The following DGLUCY variants were observed in gnomAD, a reference collection of about 807,000 sequenced individuals.
DGLUCY encodes the protein D-glutamate cyclase.
A neutral mutation model predicts 58.5 loss-of-function variants in DGLUCY; 58 were observed. The observed-to-expected ratio is 0.99, with a 90% confidence interval of 0.80 to 1.23. DGLUCY has a LOEUF of 1.23. Among genes scored for constraint, DGLUCY ranks in the 50% most tolerant of loss-of-function variants. The pLI, the probability that DGLUCY is intolerant of heterozygous loss-of-function variation, is 0.00. For missense variants in DGLUCY, 779 were observed against 784.7 expected, an observed-to-expected ratio of 0.99 and a Z score of 0.09; for synonymous variants, 325 against 314.1, an observed-to-expected ratio of 1.03 and a Z score of -0.37.
chr14:91,075,937 AC>A (rs1238526127), intron 1 of DGLUCY, among the ~76,000 whole-genome samples: 3 of 152,124 alleles, frequency 2.0e-5, no homozygotes, highest in Admixed American at 2.0e-4. Context: ...ACATGGTGAA[AC>A]CCCATCTCTA....
intron 1 of DGLUCY, among the ~76,000 whole-genome samples, chr14:91,150,551 C>T (rs2047267265): frequency 6.6e-6 from 1 of 152,116 alleles, no homozygotes; most frequent in African/African-American, 2.4e-5. Flanking sequence ...AAGCAATCCT[C>T]CTGCCTCAGC....
chr14:91,200,584 A>T (rs542530826), intron 11 of DGLUCY, among the ~76,000 whole-genome samples: 7 of 150,138 alleles, frequency 4.7e-5, no homozygotes, highest in African/African-American at 1.7e-4. Context: ...TAATATTTCA[A>T]TTTTTTTTTT....
chr14:91,149,450 G>A (rs2047193702), intron 1 of DGLUCY, among the ~76,000 whole-genome samples: 1 of 152,190 alleles, frequency 6.6e-6, no homozygotes, highest in Non-Finnish European at 1.5e-5. Flanking sequence ...TGGTGACCCT[G>A]AAGTAGGCTT....
At position 91,115,698 on chromosome 14, in the gene DGLUCY, C is replaced by T. The variant is rs570813895; in HGVS notation, c.-82+1415C>T. Reference sequence around the variant, plus strand: ...GTGCTGGGATTATAGGCGTGAGCCACCACACCTAGCCAGGAAGCATCTTAA... The same window carrying T: ...GTGCTGGGATTATAGGCGTGAGCCATCACACCTAGCCAGGAAGCATCTTAA... On this transcript the variant is annotated intron_variant, in intron 1 of 13. Coordinates refer to ENST00000256324, the MANE Select transcript of DGLUCY (RefSeq NM_001102368.3). Among the ~76,000 whole-genome samples, 7 of 152,306 alleles carry T rather than the reference C, an allele frequency of 4.6e-5. No individual in the cohort carries two copies. The South Asian group carries it at 1.5e-3, about 32-fold the overall frequency.
intron 1 of DGLUCY, among the ~76,000 whole-genome samples, chr14:91,119,639 G>A (rs2045232297): frequency 6.6e-6 from 1 of 152,150 alleles, no homozygotes; most frequent in African/African-American, 2.4e-5. Context: ...TCGGTGTGAT[G>A]GCTTAATGTT....
At chr14:91,081,470 T>G (rs979013234) in intron 1 of DGLUCY, among the ~76,000 whole-genome samples, 4 of 152,208 alleles carry the variant, frequency 2.6e-5, no homozygotes, top group Admixed American at 2.6e-4. Flanking sequence ...TTAGCAGGTA[T>G]ATTAGTTTCC....
chr14:91,077,581 G>A (rs551990603), intron 1 of DGLUCY, among the ~76,000 whole-genome samples: 8 of 151,728 alleles, frequency 5.3e-5, no homozygotes, highest in Non-Finnish European at 7.4e-5. Context: ...GTGAAACCCC[G>A]TCTCTATTAA....
At chr14:91,212,801 G>A (rs1261657197) in intron 12 of DGLUCY, among the ~76,000 whole-genome samples, 1 of 151,938 alleles carries the variant, frequency 6.6e-6, no homozygotes, top group Non-Finnish European at 1.5e-5. Flanking sequence ...AGGAGATCGA[G>A]ACCATCCTGG....
At chr14:91,196,841 A>T (rs910819485) in intron 10 of DGLUCY, among the ~76,000 whole-genome samples, 29 of 151,714 alleles carry the variant, frequency 1.9e-4, no homozygotes, top group African/African-American at 7.0e-4. Flanking sequence ...GGTATCCAGC[A>T]CCTTTGGAAA....
chr14:91,139,249 T>G (rs2046514514), intron 1 of DGLUCY, among the ~76,000 whole-genome samples: 1 of 152,110 alleles, frequency 6.6e-6, no homozygotes, highest in African/African-American at 2.4e-5. Context: ...GAGCAAATGC[T>G]CCCTTCCTCC....
intron 11 of DGLUCY, among the ~76,000 whole-genome samples, chr14:91,201,557 A>G (rs2050563118): frequency 6.6e-6 from 1 of 152,050 alleles, no homozygotes; most frequent in African/African-American, 2.4e-5. Context: ...TCTGCCTTCC[A>G]AAGTGCTGGG....
intron 1 of DGLUCY, among the ~76,000 whole-genome samples, chr14:91,101,893 A>C (rs768201024): frequency 1.3e-5 from 2 of 152,126 alleles, no homozygotes; most frequent in Non-Finnish European, 2.9e-5. Flanking sequence ...GGGTCTTACT[A>C]TGTTGCTCAG....
intron 1 of DGLUCY, among the ~76,000 whole-genome samples, chr14:91,062,588 TATATATATATATATATATATATAA>T (rs1347171749): frequency 0.014 from 372 of 26,338 alleles, 22 homozygotes; most frequent in South Asian, 0.047. Context: ...TATATATATA[TATATATATATATATATATATATAA>T]ACAATCCTTA....
chr14:91,158,484 C>G (rs1201663397), intron 2 of DGLUCY, among the ~76,000 whole-genome samples: 1 of 152,214 alleles, frequency 6.6e-6, no homozygotes, highest in Non-Finnish European at 1.5e-5. Flanking sequence ...CATGTAATCT[C>G]AAATTCTTTG....
At chr14:91,173,474 G>A (rs771261342) in intron 6 of DGLUCY, 35 bp downstream of exon 6, 2 of 1,554,272 alleles carry the variant, frequency 1.3e-6, no homozygotes, top group Admixed American at 2.1e-5. Context: ...TGATCTTCCT[G>A]TTCACATGGG....
At chr14:91,109,108 G>A (rs563996868), upstream of DGLUCY, among the ~76,000 whole-genome samples, 12 of 152,282 alleles carry the variant, frequency 7.9e-5, no homozygotes, top group South Asian at 2.1e-3. Context: ...TGCGGGCCTC[G>A]TGCCTCTTTC....
In DGLUCY at chr14:91,167,297, A is replaced by G; in HGVS notation, c.176A>G (p.Asn59Ser). Residue 59 changes from asparagine to serine, a missense_variant, in exon 4 of 14, where the codon AAC (asparagine) becomes AGC (serine). Coordinates refer to ENST00000256324, the MANE Select transcript of DGLUCY (RefSeq NM_001102368.3). ...APAFERFCQV[N>S]TGPLPLLGQS... ...GCTTTTGAAAGATTCTGCCAGGTCA[A>G]CACTGGTCCTCTACCCCTGCTGGGC... is the stretch of plus-strand genomic sequence containing the variant. 5.0e-6 allele frequency: 8 copies of G among 1,613,844 alleles called. No homozygotes were observed. Among genetic ancestry groups the G allele is most frequent in the South Asian group, 3.3e-5 (3 of 91,040 alleles).
At chr14:91,094,615 G>A (rs544382645) in intron 1 of DGLUCY, among the ~76,000 whole-genome samples, 1 of 152,016 alleles carries the variant, frequency 6.6e-6, no homozygotes, top group African/African-American at 2.4e-5. Flanking sequence ...CTGAGGTCAG[G>A]AGTTCGAGAC....
intron 1 of DGLUCY, among the ~76,000 whole-genome samples, chr14:91,068,075 G>GCACACACACACACA (rs778305281): frequency 2.2e-5 from 1 of 45,996 alleles, no homozygotes; most frequent in African/African-American, 8.6e-5. Flanking sequence ...ACACACACGC[G>GCACACACACACACA]CACGCACACA....
Sources: allele counts gnomAD v4.1 joint callset (sites outside exome capture counted in the v4.1 genomes callset), GRCh38; gene constraint gnomAD v4.1.1; transcripts MANE v1.5; gene names NCBI Gene and HGNC (gene_info 2026-07-23, HGNC 2026-07-21).